C8orf58: variants seen among roughly 807,000 people sequenced by gnomAD.
The protein encoded by C8orf58 is uncharacterized protein C8orf58.
A neutral mutation model predicts 36.8 loss-of-function variants in C8orf58; 31 were observed. The ratio of observed to expected loss-of-function variants is 0.84; its 90% CI spans 0.63 to 1.14. The LOEUF (loss-of-function observed/expected upper bound fraction) is 1.14. Ranked by LOEUF, C8orf58 falls within the 50% of genes most tolerant of loss-of-function variation. C8orf58 has a pLI of 0.00. For synonymous variants in C8orf58, 230 were observed against 200.2 expected (o/e 1.15, Z -1.26); for missense variants, 538 against 480.8 (o/e 1.12, Z -1.11).
At chr8:22,603,106 C>A in intron 6 of C8orf58, 89 bp from the exon 7 acceptor site, 1 of 992,116 alleles carries the variant, frequency 1.0e-6, no homozygotes, top group Non-Finnish European at 1.6e-6. Context: ...CAGCTACCCA[C>A]CAGCAGATAA....
In C8orf58 at chr8:22,601,195, G is replaced by A; in HGVS notation, c.354G>A (p.Leu118=). ...CCAGCCAGAAGCTGGGGGAGGTGTT[G>A]GAGCGGTCCCGCCGGCTCCCAACAG... ...LLASQKLGEV[L]ERSRRLPTAP... Residue 118 remains leucine (L), a synonymous_variant, in exon 2 of 7, where the codon TTG becomes TTA. Coordinates refer to ENST00000289989, the MANE Select transcript of C8orf58 (RefSeq NM_001013842.3). The A allele has an allele frequency of 1.9e-6, 3 of 1,609,280 alleles. No individual in the cohort carries two copies. Among genetic ancestry groups the A allele is most frequent in the Non-Finnish European group, 2.5e-6 (3 of 1,178,568 alleles).
chr8:22,602,186 C>CT lies in C8orf58; in HGVS notation c.767-13dup, dbSNP rs1563893193. 6.3e-7 allele frequency: 1 copy of CT among 1,584,482 alleles called. No individual in the cohort carries two copies. The highest frequency in any genetic ancestry group is 1.2e-5 in the South Asian group (1 of 86,744). On this transcript the variant is annotated splice_polypyrimidine_tract_variant and intron_variant, in intron 4 of 6. Transcript: ENST00000289989. ...TGTCTTCTGGCCCTGGCCAACCTGA[C>CT]TGTCTTTCTGAAGGAGCAAAGGCTG... is the stretch of plus-strand genomic sequence containing the variant.
intron 1 of C8orf58, chr8:22,600,433 AG>A (rs2117388104): frequency 6.0e-6 from 1 of 166,436 alleles, no homozygotes; most frequent in Non-Finnish European, 1.3e-5. Context: ...CTGATGCCGC[AG>A]GGGCCCCCAG....
At chr8:22,603,125 C>G in intron 6 of C8orf58, 70 bp from the exon 7 acceptor site, 22 of 1,180,324 alleles carry the variant, frequency 1.9e-5, no homozygotes, top group Middle Eastern at 1.9e-4. Context: ...AAACCACGTT[C>G]TCTCAACTCT....
chr8:22,602,562 T>C lies in C8orf58; in HGVS notation c.905T>C (p.Val302Ala), dbSNP rs756127332. 2 of 1,602,476 alleles carry C rather than the reference T, an allele frequency of 1.2e-6. No individual in the cohort carries two copies. Among genetic ancestry groups the C allele is most frequent in the Admixed American group, 3.4e-5 (2 of 59,602 alleles). ...HKRDISHWDK[V>A]KVLLNRICRR... ...CGGGATATCTCCCACTGGGACAAGG[T>C]CAAGGTCCTGCTCAACCGGATCTGC... is the stretch of plus-strand genomic sequence containing the variant. Residue 302 changes from valine (V) to alanine (A), a missense_variant, in exon 6 of 7, where the codon GTC (valine) becomes GCC (alanine). By Grantham distance (64) the Val-to-Ala change is moderately conservative. Coordinates refer to ENST00000289989, the MANE Select transcript of C8orf58 (RefSeq NM_001013842.3).
At position 22,603,178 on chromosome 8, in the gene C8orf58, T is replaced by G. The variant is rs1458757667; in HGVS notation, c.987-17T>G. 1 of 1,576,756 alleles carries G rather than the reference T, an allele frequency of 6.3e-7. No homozygotes were observed. The highest frequency in any genetic ancestry group is 8.7e-7 in the Non-Finnish European group (1 of 1,146,414). On this transcript the variant is annotated splice_polypyrimidine_tract_variant and intron_variant, in intron 6 of 6. Transcript: ENST00000289989. ...TATTTCCCCCTTCTAGCCTAATGTCTTCTTTTCATTCCACAGGATCGAGTC... is the reference window on the plus strand; with the variant it reads ...TATTTCCCCCTTCTAGCCTAATGTCGTCTTTTCATTCCACAGGATCGAGTC...
At chr8:22,601,602 T>C in intron 2 of C8orf58, 110 bp from the exon 3 acceptor site, 2 of 1,337,352 alleles carry the variant, frequency 1.5e-6, no homozygotes, top group East Asian at 4.7e-5. Flanking sequence ...CGTGTGTTCC[T>C]CCTCGGGGCC....
chr8:22,603,272 A>G lies in C8orf58; in HGVS notation c.1064A>G (p.Lys355Arg). 6.2e-7 allele frequency: 1 copy of G among 1,614,004 alleles called. No individual in the cohort carries two copies. Among genetic ancestry groups the G allele is most frequent in the East Asian group, 2.2e-5 (1 of 44,876 alleles). The change falls in exon 7 of 7, where the codon AAG becomes AGG. Residue 355 changes from lysine to arginine, a missense_variant. Physicochemically the swap from Lys to Arg is conservative, Grantham distance 26 (BLOSUM62 2). Transcript: ENST00000289989. ...ACCTTTATGCCATCATTAGTGGTTA[A>G]GAAGCAACGAGCAAAAAACCTTTCT... ...RKTFMPSLVV[K>R]KQRAKNLSVG is the part of the protein sequence containing the mutation.
intron 5 of C8orf58, 98 bp from the exon 6 acceptor site, chr8:22,602,438 AG>A: frequency 7.5e-7 from 1 of 1,329,842 alleles, no homozygotes; most frequent in Non-Finnish European, 1.1e-6. Context: ...TGTTTGGAGC[AG>A]GCGACTTGTC....
intron 1 of C8orf58, chr8:22,600,098 T>G: frequency 9.3e-6 from 2 of 214,484 alleles, no homozygotes; most frequent in East Asian, 9.3e-5. Context: ...TCCCACCCAG[T>G]GACCTCCTGG....
chr8:22,601,269 A>G lies in C8orf58; in HGVS notation c.428A>G (p.Lys143Arg), dbSNP rs754782085. Residue 143 changes from lysine to arginine, a missense_variant, in exon 2 of 7, where the codon AAG (lysine) becomes AGG (arginine). Physicochemically the swap from Lys to Arg is conservative, Grantham distance 26 (BLOSUM62 2). Transcript: ENST00000289989. ...GQHRSLRLAS[K>R]PEREVPLGAG... Reference sequence around the variant, plus strand: ...CACCGCTCCCTGCGGCTGGCAAGCAAGCCTGAGCGTGAAGTGCCCCTTGGA... The same window carrying G: ...CACCGCTCCCTGCGGCTGGCAAGCAGGCCTGAGCGTGAAGTGCCCCTTGGA... The G allele has an allele frequency of 2.5e-6, 4 of 1,610,152 alleles. No homozygotes were observed.
intron 1 of C8orf58, 192 bp downstream of exon 1, chr8:22,599,952 C>G (rs1421802921): frequency 5.4e-6 from 2 of 368,644 alleles, no homozygotes; most frequent in Non-Finnish European, 9.6e-6. Flanking sequence ...GGCTGGAACC[C>G]CTTTGGGCCC....
At position 22,601,033 on chromosome 8, in the gene C8orf58, G is replaced by A. The variant is rs749235252; in HGVS notation, c.192G>A (p.Leu64=). The A allele has an allele frequency of 4.3e-6, 7 of 1,612,700 alleles. No individual in the cohort carries two copies. In the African/African-American group the frequency reaches 8.0e-5, roughly 18 times the overall value. Residue 64 remains leucine, a synonymous_variant, in exon 2 of 7, where the codon CTG becomes CTA. Transcript: ENST00000289989. ...GVGREALFLK[L]ASRDSGVEMA... ...GCAGGGAGGCACTCTTTCTCAAACT[G>A]GCCTCCCGGGACTCAGGAGTGGAGA...
In C8orf58 at chr8:22,601,955, G is replaced by A. The variant is rs367926851; in HGVS notation, c.658-17G>A. On this transcript the variant is annotated splice_polypyrimidine_tract_variant and intron_variant, in intron 3 of 6. Coordinates refer to ENST00000289989, the MANE Select transcript of C8orf58 (RefSeq NM_001013842.3). ...CCCTCTAGCCAGGCCCTGATCACCT[G>A]TCTCTCCTGTGCATAGGATCCCGGC... 24 of 1,546,448 alleles carry A rather than the reference G, an allele frequency of 1.6e-5. No homozygotes were observed. The African/African-American group carries it at 3.1e-4, about 20-fold the overall frequency.
At position 22,600,970 on chromosome 8, in the gene C8orf58, C is replaced by T; in HGVS notation, c.129C>T (p.Cys43=). The T allele has an allele frequency of 6.2e-7, 1 of 1,612,716 alleles. No homozygotes were observed. Among genetic ancestry groups the T allele is most frequent in the African/African-American group, 1.3e-5 (1 of 75,068 alleles). Residue 43 remains cysteine, a synonymous_variant, in exon 2 of 7, where the codon TGC becomes TGT. Coordinates refer to ENST00000289989, the MANE Select transcript of C8orf58 (RefSeq NM_001013842.3). ...YRRIPDAAHG[C]SSWERGDKFR... is the part of the protein sequence containing the mutation. ...GGATCCCCGACGCTGCCCACGGGTG[C>T]TCATCCTGGGAGAGAGGTGACAAGT... is the stretch of plus-strand genomic sequence containing the variant.
In C8orf58 at chr8:22,599,698, G is replaced by T; in HGVS notation, c.-23G>T. On this transcript the variant is annotated 5_prime_UTR_variant, in exon 1 of 7. Transcript: ENST00000289989. ...GGATCCTCGGGCGGCTGCATTGGCC[G>T]GGGCCGGGGCCGGGAGCGGGCCATG... The T allele has an allele frequency of 8.3e-7, 1 of 1,201,554 alleles. No homozygotes were observed. Among genetic ancestry groups the T allele is most frequent in the Non-Finnish European group, 1.0e-6 (1 of 966,404 alleles). The allele number at this position is 1,201,554 out of a possible 1,614,324, so 74.4% of individuals were successfully genotyped here. A position where few individuals can be genotyped will look rare whatever the true frequency, so the allele number is the denominator to read the frequency against.
Position 22,603,377 on chromosome 8 carries a change from C to G in C8orf58, c.*71C>G, listed in dbSNP as rs1211791171. On this transcript the variant is annotated 3_prime_UTR_variant, in exon 7 of 7. Transcript: ENST00000289989. ...TGAAGTCTTCCTCGCCCTCTGCCCT[C>G]TTGCTGCTTCTCCACATTGCCAGGA... is the stretch of plus-strand genomic sequence containing the variant. 2 of 1,066,664 alleles carry G rather than the reference C, an allele frequency of 1.9e-6. No individual in the cohort carries two copies. The highest frequency in any genetic ancestry group is 2.5e-5 in the South Asian group (2 of 78,934). 66.1% of individuals were successfully genotyped at this position (1,066,664 alleles called of 1,614,324 possible).
At chr8:22,599,874 C>A in intron 1 of C8orf58, 114 bp downstream of exon 1, 1 of 458,230 alleles carries the variant, frequency 2.2e-6, no homozygotes, top group Non-Finnish European at 3.4e-6. Context: ...ACCCCGCGGG[C>A]GGAGCCCGCG....
Position 22,601,731 on chromosome 8 carries a change from G to A in C8orf58, c.536G>A (p.Gly179Glu), listed in dbSNP as rs748935834. ...EEEAVGGLGP[G>E]AWACLPGQGL... ...CCACAGGTGGGGGGCCTGGGGCCTGGAGCCTGGGCCTGCCTCCCCGGGCAG... is the reference window on the plus strand; with the variant it reads ...CCACAGGTGGGGGGCCTGGGGCCTGAAGCCTGGGCCTGCCTCCCCGGGCAG... The change falls in exon 3 of 7, where the codon GGA (glycine) becomes GAA (glutamate). Residue 179 changes from glycine (G) to glutamate (E), a missense_variant. By Grantham distance (98) the Gly-to-Glu change is moderately conservative (BLOSUM62 -2). Coordinates refer to ENST00000289989, the MANE Select transcript of C8orf58 (RefSeq NM_001013842.3). The A allele has an allele frequency of 4.3e-6, 7 of 1,610,854 alleles. No homozygotes were observed. Among genetic ancestry groups the A allele is most frequent in the Admixed American group, 3.3e-5 (2 of 59,714 alleles).
Sources: allele counts gnomAD v4.1 joint callset, GRCh38; gene constraint gnomAD v4.1.1; transcripts MANE v1.5; gene names NCBI Gene and HGNC (gene_info 2026-07-23, HGNC 2026-07-21).